The following KMT2A variants were observed in gnomAD, a reference collection of about 807,000 sequenced individuals.
The protein encoded by KMT2A is histone-lysine N-methyltransferase 2A.
A neutral mutation model predicts 345.3 loss-of-function variants in KMT2A; 16 were observed. The ratio of observed to expected loss-of-function variants is 0.05; its 90% CI spans 0.03 to 0.07. KMT2A has a LOEUF of 0.07. Among genes scored for constraint, KMT2A ranks in the 10% least tolerant of loss-of-function variants. KMT2A has a pLI of 1.00. For missense variants in KMT2A, 3,272 were observed against 4,841.6 expected, an observed-to-expected ratio of 0.68 and a Z score of 9.62; for synonymous variants, 1,599 against 1,778.6, an observed-to-expected ratio of 0.90 and a Z score of 2.54.
rs782262576 is a variant in KMT2A, at chr11:118,501,864, G to T, written c.6505+7G>T. On this transcript the variant is annotated splice_region_variant and intron_variant, in intron 26 of 35. Coordinates refer to ENST00000534358, the MANE Select transcript of KMT2A (RefSeq NM_001197104.2). ...CGACCGTTGCCTTCTGCAGGTAAAA[G>T]ACTTTATTGACCTACTTGACCTAAG... The T allele has an allele frequency of 1.2e-6, 2 of 1,606,336 alleles. No homozygotes were observed. The highest frequency in any genetic ancestry group is 1.7e-6 in the Non-Finnish European group (2 of 1,176,122).
chr11:118,512,267 AAAAG>A, intron 31 of KMT2A: 1 of 537,340 alleles, frequency 1.9e-6, no homozygotes, highest in Non-Finnish European at 3.3e-6. Flanking sequence ...CATCATCCCT[AAAAG>A]AAACCCCCTA....
chr11:118,489,738 T>A, intron 11 of KMT2A, 54 bp from the exon 12 acceptor site: 3 of 1,414,950 alleles, frequency 2.1e-6, no homozygotes, highest in Non-Finnish European at 3.0e-6. Context: ...AAGTAATAGG[T>A]GTTGGGTGAA....
At position 118,524,893 on chromosome 11, in the gene KMT2A, C is replaced by T. The variant is rs1951048365; in HGVS notation, c.*2721C>T. ...GAGCCCCTCCTCACTCTCTACCAAC[C>T]CTAAACCCTGAGGACAGGGGAGGAA... On this transcript the variant is annotated 3_prime_UTR_variant, in exon 36 of 36. Coordinates refer to ENST00000534358, the MANE Select transcript of KMT2A (RefSeq NM_001197104.2). 5.1e-6 allele frequency: 1 copy of T among 194,370 alleles called. No individual in the cohort carries two copies. The allele number at this position is 194,370 out of a possible 1,614,324, so 12.0% of individuals were successfully genotyped here.
Position 118,481,751 on chromosome 11 carries a change from A to G in KMT2A, c.3671A>G (p.Glu1224Gly). 6.2e-7 allele frequency: 1 copy of G among 1,613,754 alleles called. No homozygotes were observed. The highest frequency in any genetic ancestry group is 2.2e-5 in the East Asian group (1 of 44,890). The change falls in exon 7 of 36, where the codon GAA becomes GGA. Residue 1224 changes from glutamate (E) to glycine (G), a missense_variant. Physicochemically the swap from Glu to Gly is moderately conservative, Grantham distance 98 (BLOSUM62 -2). Around this residue, in one of 27 missense-constraint regions of KMT2A, gnomAD observed 168 missense variants for 216.0 expected, o/e 0.78. Transcript: ENST00000534358. ...AAAGAGAAAAAGTCTAAGACCAGTG[A>G]AAAGAAAGACAGCAAAGAGAGCAGT... ...KKKEKKSKTSEKKDSKESSVV... is the reference protein window; with the variant it reads ...KKKEKKSKTSGKKDSKESSVV...
At position 118,471,806 on chromosome 11, in the gene KMT2A, A is replaced by C; in HGVS notation, c.647A>C (p.Lys216Thr). 1 of 1,613,376 alleles carries C rather than the reference A, an allele frequency of 6.2e-7. No individual in the cohort carries two copies. The highest frequency in any genetic ancestry group is 8.5e-7 in the Non-Finnish European group (1 of 1,179,690). Residue 216 changes from lysine to threonine, a missense_variant, in exon 3 of 36, where the codon AAA (lysine) becomes ACA (threonine). Physicochemically the swap from Lys to Thr is moderately conservative, Grantham distance 78. Coordinates refer to ENST00000534358, the MANE Select transcript of KMT2A (RefSeq NM_001197104.2). The stretch of plus-strand genomic sequence containing the variant: ...GATAAGATCAAGAAGAAAGATTCTA[A>C]AAGTATAGAAAAGAAGAGAGGAAGA... ...SGDKIKKKDS[K>T]SIEKKRGRPP...
intron 1 of KMT2A, chr11:118,458,347 C>A (rs1367340399): frequency 5.5e-6 from 1 of 180,584 alleles, no homozygotes; most frequent in South Asian, 8.9e-5. Context: ...CCTCGGCCTC[C>A]CATTGTTAGG....
At chr11:118,469,622 A>G (rs578039295) in intron 2 of KMT2A, among the ~76,000 whole-genome samples, 1 of 152,354 alleles carries the variant, frequency 6.6e-6, no homozygotes, top group East Asian at 1.9e-4. Context: ...TATAGGAGAA[A>G]GCTATGTATC....
rs150249045 is a variant in KMT2A at position 118,485,811 on chromosome 11, G to A, written c.4332+836G>A. ...AAGCATAGGGCATATAGCTGGGCAC[G>A]GTGGCTCACGCCTGTAATCCCAGCA... On this transcript the variant is annotated intron_variant, in intron 10 of 35. Coordinates refer to ENST00000534358, the MANE Select transcript of KMT2A (RefSeq NM_001197104.2). Among the ~76,000 whole-genome samples, 321 of 152,314 alleles carry A rather than the reference G, an allele frequency of 2.1e-3. 10 individuals carry two copies. The East Asian group carries it at 0.06, about 29-fold the overall frequency.
rs1950382576 is a variant in KMT2A at position 118,494,986 on chromosome 11, TTTAA to T, written c.5363+222_5363+225del. On this transcript the variant is annotated intron_variant, in intron 18 of 35. Transcript: ENST00000534358. The surrounding 1 kb of genome is among the most constrained non-coding windows in gnomAD (Gnocchi z 5.8). ...ATTTGTTTTATTGTAGGGAGCTTGG[TTTAA>T]TTGTGACAAATGTACAATACATGTG... 6.6e-6 allele frequency among the ~76,000 whole-genome samples: 1 copy of T among 152,216 alleles called. No individual in the cohort carries two copies. The highest frequency in any genetic ancestry group is 2.1e-4 in the South Asian group (1 of 4,834).
At chr11:118,516,444 A>G (rs1950816630) in intron 31 of KMT2A, among the ~76,000 whole-genome samples, 1 of 152,208 alleles carries the variant, frequency 6.6e-6, no homozygotes, top group Non-Finnish European at 1.5e-5. Flanking sequence ...CCAGCTGAGC[A>G]ACACAGTGAA....
At chr11:118,453,909 C>T (rs1198419120) in intron 1 of KMT2A, among the ~76,000 whole-genome samples, 1 of 152,206 alleles carries the variant, frequency 6.6e-6, no homozygotes, top group Non-Finnish European at 1.5e-5. Flanking sequence ...TTCCCAGTCT[C>T]TTTGTTTCTT....
At chr11:118,515,292 G>A (rs568001520) in intron 31 of KMT2A, among the ~76,000 whole-genome samples, 3 of 152,272 alleles carry the variant, frequency 2.0e-5, no homozygotes, top group Non-Finnish European at 4.4e-5. Context: ...ACAAACTCCT[G>A]TTAATCCTTT....
chr11:118,513,777 A>T (rs1950740272), intron 31 of KMT2A, among the ~76,000 whole-genome samples: 1 of 151,570 alleles, frequency 6.6e-6, no homozygotes, highest in Non-Finnish European at 1.5e-5. Context: ...TATAAAAAAA[A>T]ATTGTTTAAA....
chr11:118,457,461 C>G (rs782221510), intron 1 of KMT2A, among the ~76,000 whole-genome samples: 26 of 151,130 alleles, frequency 1.7e-4, no homozygotes, highest in South Asian at 4.2e-4. Context: ...TTAGTAGAGA[C>G]AGGGTTTCAC....
At position 118,494,872 on chromosome 11, in the gene KMT2A, G is replaced by T. The variant is rs1352211966; in HGVS notation, c.5363+105G>T. 7 of 859,038 alleles carry T rather than the reference G, an allele frequency of 8.1e-6. No individual in the cohort carries two copies. The highest frequency in any genetic ancestry group is 1.7e-5 in the African/African-American group (1 of 59,096). 53.2% of individuals were successfully genotyped at this position (859,038 alleles called of 1,614,324 possible). A position where few individuals can be genotyped will look rare whatever the true frequency, so the allele number is the denominator to read the frequency against. On this transcript the variant is annotated intron_variant, in intron 18 of 35. Coordinates refer to ENST00000534358, the MANE Select transcript of KMT2A (RefSeq NM_001197104.2). This position sits in a 1 kb window ranked among gnomAD's most constrained non-coding sequence, Gnocchi z 5.8. The stretch of plus-strand genomic sequence containing the variant: ...TCCAAAAGGTTTTAATACTAGAAAT[G>T]AATTGGTTGAAATGCCTTTTCGGTG...
rs782130634 is a variant in KMT2A, at chr11:118,502,852, G to A, written c.6960G>A (p.Glu2320=). 4 of 1,614,086 alleles carry A rather than the reference G, an allele frequency of 2.5e-6. No homozygotes were observed. The highest frequency in any genetic ancestry group is 2.7e-5 in the African/African-American group (2 of 74,916). ...AAGTGCTGAGTTCCAAGAGCTCAGAGGGATCTGCACATAATGTGGCTTACC... is the reference window on the plus strand; with the variant it reads ...AAGTGCTGAGTTCCAAGAGCTCAGAAGGATCTGCACATAATGTGGCTTACC... ...KTKVLSSKSS[E]GSAHNVAYPG... The change falls in exon 27 of 36, where the codon GAG becomes GAA. Residue 2320 remains glutamate (E), a synonymous_variant. Coordinates refer to ENST00000534358, the MANE Select transcript of KMT2A (RefSeq NM_001197104.2). The surrounding 1 kb of genome is among the most constrained non-coding windows in gnomAD (Gnocchi z 4.9).
rs1950576769 is a variant in KMT2A, at chr11:118,506,065, G to A, written c.10173G>A (p.Gln3391=). ...ISNLLIKASQ[Q]SLGIQDQPVA... Reference sequence around the variant, plus strand: ...ATCTTTTAATCAAAGCTAGCCAGCAGAGCCTGGGGATTCAGGACCAGCCTG... The same window carrying A: ...ATCTTTTAATCAAAGCTAGCCAGCAAAGCCTGGGGATTCAGGACCAGCCTG... Residue 3391 remains glutamine, a synonymous_variant, in exon 27 of 36, where the codon CAG becomes CAA. Coordinates refer to ENST00000534358, the MANE Select transcript of KMT2A (RefSeq NM_001197104.2). The A allele has an allele frequency of 1.9e-6, 3 of 1,614,086 alleles. No homozygotes were observed. Among genetic ancestry groups the A allele is most frequent in the African/African-American group, 1.3e-5 (1 of 74,934 alleles).
At chr11:118,437,067 C>T (rs936302590) in intron 1 of KMT2A, 123 bp downstream of exon 1, 25 of 1,171,412 alleles carry the variant, frequency 2.1e-5, no homozygotes, top group Non-Finnish European at 2.8e-5. Flanking sequence ...TGACCCGGGG[C>T]GAATGGCTCT....
chr11:118,477,607 A>T (rs1189681932), intron 4 of KMT2A, among the ~76,000 whole-genome samples: 2 of 134,888 alleles, frequency 1.5e-5, no homozygotes, highest in Non-Finnish European at 3.0e-5. Context: ...TCCCAGGTTC[A>T]AGCGATTCTC....
Sources: gnomAD v4.1 joint callset for allele counts (sites outside exome capture counted in the v4.1 genomes callset) on GRCh38, gnomAD v4.1.1 for gene constraint, gnomAD v4.1.1 regional missense constraint, Gnocchi (gnomAD v3.1) non-coding constraint, MANE v1.5 for transcripts, NCBI Gene and HGNC (gene_info 2026-07-23, HGNC 2026-07-21) for gene names.